The following MACROD2 variants were observed in gnomAD, a reference collection of about 807,000 sequenced individuals.
MACROD2 encodes ADP-ribose glycohydrolase MACROD2.
MACROD2 carries 36 observed loss-of-function variants against 70.4 expected under a neutral mutation model. The observed-to-expected ratio is 0.51, with a 90% CI of 0.39 to 0.68. The LOEUF is 0.68. MACROD2 is among the 30% of genes least tolerant of loss of function. MACROD2 has a pLI of 0.00. For missense variants in MACROD2, 496 were observed against 538.4 expected (o/e 0.92, Z 0.78); for synonymous variants, 172 against 178.8 (o/e 0.96, Z 0.30).
intron 5 of MACROD2, among the ~76,000 whole-genome samples, chr20:15,018,657 T>A (rs1361359688): frequency 6.6e-6 from 1 of 152,132 alleles, no homozygotes; most frequent in Non-Finnish European, 1.5e-5. Context: ...AATGTGTATA[T>A]CCTAAAGGGC....
chr20:14,344,751 GA>G (rs1265476635), intron 3 of MACROD2, among the ~76,000 whole-genome samples: 1 of 152,158 alleles, frequency 6.6e-6, no homozygotes, highest in Admixed American at 6.5e-5. Context: ...AGGTAGACTT[GA>G]AAAAGAATAA....
chr20:14,209,849 T>C (rs1306729613), intron 3 of MACROD2, among the ~76,000 whole-genome samples: 1 of 152,232 alleles, frequency 6.6e-6, no homozygotes, highest in Non-Finnish European at 1.5e-5. Context: ...GTAGTCCACT[T>C]TGTGCCCAGG....
intron 4 of MACROD2, among the ~76,000 whole-genome samples, chr20:14,517,768 A>G (rs2085119084): frequency 6.6e-6 from 1 of 152,160 alleles, no homozygotes; most frequent in South Asian, 2.1e-4. Flanking sequence ...TATCAGTGCC[A>G]TATACTAAAA....
chr20:15,252,827 G>A (rs1044428623), intron 6 of MACROD2, among the ~76,000 whole-genome samples: 20 of 152,146 alleles, frequency 1.3e-4, no homozygotes, highest in African/African-American at 3.6e-4. Context: ...ACACACCATG[G>A]CATCCACAGA....
At chr20:15,709,983 C>G (rs1371709169) in intron 8 of MACROD2, among the ~76,000 whole-genome samples, 1 of 152,114 alleles carries the variant, frequency 6.6e-6, no homozygotes, top group Non-Finnish European at 1.5e-5. Flanking sequence ...GTTCTACTCT[C>G]TACTTCTATA....
At chr20:14,878,205 T>A (rs1178972022) in intron 5 of MACROD2, among the ~76,000 whole-genome samples, 2 of 152,144 alleles carry the variant, frequency 1.3e-5, no homozygotes, top group East Asian at 3.8e-4. Context: ...ATTGAGAGGG[T>A]TTGCCATTTT....
At chr20:14,998,115 C>T (rs1355880371) in intron 5 of MACROD2, among the ~76,000 whole-genome samples, 1 of 152,170 alleles carries the variant, frequency 6.6e-6, no homozygotes, top group African/African-American at 2.4e-5. Flanking sequence ...CCTTTGAATG[C>T]TTGGAAAGCC....
chr20:15,150,871 A>G (rs2145860255), intron 5 of MACROD2, among the ~76,000 whole-genome samples: 1 of 152,144 alleles, frequency 6.6e-6, no homozygotes, highest in South Asian at 2.1e-4. Flanking sequence ...AGTTGGCACC[A>G]GAGTTGGGGA....
intron 8 of MACROD2, among the ~76,000 whole-genome samples, chr20:15,544,224 A>G (rs751540963): frequency 2.4e-4 from 37 of 152,308 alleles, no homozygotes; most frequent in South Asian, 4.1e-4. Context: ...GAGTCGTATC[A>G]TTTGCTTTAG....
At chr20:15,986,294 T>C (rs1265605603) in intron 13 of MACROD2, among the ~76,000 whole-genome samples, 1 of 152,238 alleles carries the variant, frequency 6.6e-6, no homozygotes, top group Non-Finnish European at 1.5e-5. Flanking sequence ...CTCAAGTTTT[T>C]TATGCTCTGT....
rs1205465749 is a variant in MACROD2 at position 15,886,133 on chromosome 20, G to T, written c.775+322G>T. On this transcript the variant is annotated intron_variant, in intron 10 of 17. Coordinates refer to ENST00000684519, the MANE Select transcript of MACROD2 (RefSeq NM_001351661.2). ...ACCACTTCTTACGCTCATGAGCATA[G>T]CAGAGATAACTTAATCATCCTGTTC... 2.6e-5 allele frequency among the ~76,000 whole-genome samples: 4 copies of T among 152,152 alleles called. No homozygotes were observed. The East Asian group carries it at 7.7e-4, about 29-fold the overall frequency.
At chr20:14,499,510 C>G (rs1267100884) in intron 4 of MACROD2, among the ~76,000 whole-genome samples, 1 of 151,868 alleles carries the variant, frequency 6.6e-6, no homozygotes, top group East Asian at 1.9e-4. Context: ...TCCAGCCTGG[C>G]CATCAGAGTG....
intron 5 of MACROD2, among the ~76,000 whole-genome samples, chr20:14,772,163 G>A (rs1399006032): frequency 1.3e-5 from 2 of 151,984 alleles, no homozygotes; most frequent in Non-Finnish European, 2.9e-5. Flanking sequence ...GCCTAAAAAT[G>A]TACTTTTCCC....
chr20:14,284,621 C>T (rs1412246996), intron 3 of MACROD2, among the ~76,000 whole-genome samples: 2 of 152,196 alleles, frequency 1.3e-5, no homozygotes, highest in South Asian at 2.1e-4. Context: ...GGTGTAGCTG[C>T]CACACCTTTG....
At chr20:15,668,836 G>T (rs1270294033) in intron 8 of MACROD2, among the ~76,000 whole-genome samples, 1 of 152,112 alleles carries the variant, frequency 6.6e-6, no homozygotes, top group Non-Finnish European at 1.5e-5. Flanking sequence ...ACTCCAGTAG[G>T]GTTAGCAAAA....
At chr20:14,842,020 T>TTTTG (rs150296190) in intron 5 of MACROD2, among the ~76,000 whole-genome samples, 21,512 of 151,710 alleles carry the variant, frequency 0.14, 1,659 homozygotes, top group Middle Eastern at 0.27. Context: ...AAAAGAGGTT[T>TTTTG]TTTGTTTGTT....
chr20:15,201,216 T>C (rs2076653172), intron 5 of MACROD2, among the ~76,000 whole-genome samples: 1 of 152,178 alleles, frequency 6.6e-6, no homozygotes, highest in South Asian at 2.1e-4. Context: ...AACTGGGTTC[T>C]TTGACACAGA....
chr20:15,237,834 A>G (rs540535207), intron 6 of MACROD2, among the ~76,000 whole-genome samples: 3 of 151,928 alleles, frequency 2.0e-5, no homozygotes, highest in Non-Finnish European at 4.4e-5. Flanking sequence ...CTGGCTGAGG[A>G]CTGCTCCTGG....
At chr20:14,189,495 A>G (rs1469320619) in intron 3 of MACROD2, among the ~76,000 whole-genome samples, 3 of 152,162 alleles carry the variant, frequency 2.0e-5, no homozygotes, top group South Asian at 4.1e-4. Flanking sequence ...ATATTTATCT[A>G]TCTACCTCTC....
Sources: gnomAD v4.1 joint callset for allele counts (sites outside exome capture counted in the v4.1 genomes callset) on GRCh38, gnomAD v4.1.1 for gene constraint, MANE v1.5 for transcripts, NCBI Gene and HGNC (gene_info 2026-07-23, HGNC 2026-07-21) for gene names.